The following SDK2 variants were observed in gnomAD, a reference collection of about 807,000 sequenced individuals.
SDK2 encodes protein sidekick-2.
Under a neutral mutation model 253.9 loss-of-function variants are expected in SDK2, and 105 were observed. The ratio of observed to expected loss-of-function variants is 0.41; its 90% CI spans 0.35 to 0.49. The LOEUF (loss-of-function observed/expected upper bound fraction) is 0.49, where lower values mean the gene tolerates loss of function less well. Among genes scored for constraint, SDK2 ranks in the 20% least tolerant of loss-of-function variants. The pLI, the probability that SDK2 is intolerant of heterozygous loss-of-function variation, is 0.06. For missense variants in SDK2, 2,608 were observed against 3,003.0 expected (o/e 0.87, Z 3.07); for synonymous variants, 1,249 against 1,234.9 (o/e 1.01, Z -0.24).
rs1481681462 is a variant in SDK2 at position 73,335,951 on chromosome 17, G to A, written c.*2636C>T. On this transcript the variant is annotated 3_prime_UTR_variant, in exon 45 of 45. Transcript: ENST00000392650. ...TGTCAGCATGGGTGCGAATGAGCGT[G>A]TGGGGAGTGGGGGGGTGGAATATCT... 1 of 152,444 alleles carries A rather than the reference G, an allele frequency of 6.6e-6. No individual in the cohort carries two copies. Among genetic ancestry groups the A allele is most frequent in the African/African-American group, 2.4e-5 (1 of 41,460 alleles). The allele number at this position is 152,444 out of a possible 1,614,324, so 9.4% of individuals were successfully genotyped here.
chr17:73,358,953 G>A (rs1331414798), intron 39 of SDK2, among the ~76,000 whole-genome samples: 4 of 152,018 alleles, frequency 2.6e-5, no homozygotes, highest in Non-Finnish European at 4.4e-5. Flanking sequence ...CAGATGAGAG[G>A]AGGTGACTCC....
intron 1 of SDK2, among the ~76,000 whole-genome samples, chr17:73,575,899 G>C (rs1054825796): frequency 2.0e-5 from 3 of 152,200 alleles, no homozygotes; most frequent in Non-Finnish European, 4.4e-5. Flanking sequence ...TCTCAAGGGG[G>C]AGAGGAGGTA....
chr17:73,387,012 G>A (rs1019239545), intron 30 of SDK2, among the ~76,000 whole-genome samples: 6 of 152,200 alleles, frequency 3.9e-5, no homozygotes, highest in Non-Finnish European at 7.3e-5. Flanking sequence ...CCAGGCTGGA[G>A]TGCAGTGGTG....
chr17:73,594,482 A>G (rs1300422682), intron 1 of SDK2, among the ~76,000 whole-genome samples: 3 of 152,054 alleles, frequency 2.0e-5, no homozygotes, highest in African/African-American at 2.4e-5. Flanking sequence ...ATGGGAAGAG[A>G]GGGAGGGGGA....
intron 18 of SDK2, among the ~76,000 whole-genome samples, chr17:73,403,570 C>A (rs1399901270): frequency 6.6e-6 from 1 of 152,158 alleles, no homozygotes; most frequent in Non-Finnish European, 1.5e-5. Flanking sequence ...TGAAAAGCAA[C>A]ACTTGATGAG....
chr17:73,457,040 G>A (rs1240272649), intron 3 of SDK2, among the ~76,000 whole-genome samples: 1 of 152,164 alleles, frequency 6.6e-6, no homozygotes. Context: ...TTAGCAAGAC[G>A]CTTGGCAAGT....
At chr17:73,440,083 T>A (rs1403210916) in intron 6 of SDK2, among the ~76,000 whole-genome samples, 1 of 150,458 alleles carries the variant, frequency 6.6e-6, no homozygotes, top group Non-Finnish European at 1.5e-5. Flanking sequence ...TGACCCCTGA[T>A]CTGCCCTACT....
In SDK2 at chr17:73,468,777, G is replaced by A. The variant is rs560311577; in HGVS notation, c.331+3335C>T. ...CCTGACCTTGTGATCCACCCGCCTT[G>A]GCTTCTCAAAGTGCTGGGATTACAG... On this transcript the variant is annotated intron_variant, in intron 3 of 44. Coordinates refer to ENST00000392650, the MANE Select transcript of SDK2 (RefSeq NM_001144952.2). 1.5e-3 allele frequency among the ~76,000 whole-genome samples: 232 copies of A among 150,108 alleles called. 1 individual carries two copies. The highest frequency in any genetic ancestry group is 0.011 in the Middle Eastern group (3 of 276).
intron 37 of SDK2, among the ~76,000 whole-genome samples, chr17:73,367,847 G>A (rs748508916): frequency 6.6e-6 from 1 of 152,050 alleles, no homozygotes; most frequent in African/African-American, 2.4e-5. Context: ...CTCAGGGAGG[G>A]CTTTGTGGGT....
rs886540898 is a variant in SDK2 at position 73,411,075 on chromosome 17, C to A, written c.2484+3569G>T. On this transcript the variant is annotated intron_variant, in intron 18 of 44. Transcript: ENST00000392650. ...CCTCCCCTTCCTTCCTCTGCCTCCC[C>A]CCAGGGTCCCAATTAGGAGAGTTTT... 1.1e-4 allele frequency among the ~76,000 whole-genome samples: 17 copies of A among 152,332 alleles called. No homozygotes were observed. In the South Asian group the frequency reaches 2.7e-3, roughly 24 times the overall value.
Position 73,383,711 on chromosome 17 carries a change from T to A in SDK2, c.4705+165A>T, listed in dbSNP as rs150496501. On this transcript the variant is annotated intron_variant, in intron 33 of 44. Transcript: ENST00000392650. This position sits in a 1 kb window ranked among gnomAD's most constrained non-coding sequence, Gnocchi z 4.3. ...GCCCATAGAAGGTGCTCAGTAAATA[T>A]TCAGTAAATGAATGAATGGGATGGG... Among the ~76,000 whole-genome samples, 99 of 152,246 alleles carry A rather than the reference T, an allele frequency of 6.5e-4. No homozygotes were observed. Among genetic ancestry groups the A allele is most frequent in the African/African-American group, 2.2e-3 (91 of 41,554 alleles).
chr17:73,474,000 T>G (rs2063669323), intron 2 of SDK2, among the ~76,000 whole-genome samples: 2 of 152,306 alleles, frequency 1.3e-5, no homozygotes, highest in African/African-American at 4.8e-5. Flanking sequence ...AAAGGCATTT[T>G]AAAAACATTT....
At chr17:73,428,561 T>C (rs1342532627) in intron 12 of SDK2, among the ~76,000 whole-genome samples, 1 of 152,142 alleles carries the variant, frequency 6.6e-6, no homozygotes, top group Non-Finnish European at 1.5e-5. Context: ...ACCATTCCTT[T>C]CAAAGGCAAA....
chr17:73,386,962 C>G (rs2062877599), intron 30 of SDK2, among the ~76,000 whole-genome samples: 1 of 152,096 alleles, frequency 6.6e-6, no homozygotes, highest in Non-Finnish European at 1.5e-5. Context: ...GAGATGGAGT[C>G]TTTTTTTGTT....
intron 41 of SDK2, among the ~76,000 whole-genome samples, chr17:73,351,771 G>A (rs1328238848): frequency 6.6e-6 from 1 of 152,076 alleles, no homozygotes; most frequent in Non-Finnish European, 1.5e-5. Flanking sequence ...TCTCTGTTTC[G>A]GCCTTGAAGC....
intron 4 of SDK2, among the ~76,000 whole-genome samples, chr17:73,451,678 C>T (rs551441132): frequency 2.0e-5 from 3 of 152,150 alleles, no homozygotes; most frequent in Non-Finnish European, 4.4e-5. Context: ...GAACAGGAGG[C>T]AGAGATACCT....
At chr17:73,483,358 G>C (rs1005704505) in intron 2 of SDK2, among the ~76,000 whole-genome samples, 2 of 140,464 alleles carry the variant, frequency 1.4e-5, no homozygotes, top group Non-Finnish European at 3.0e-5. Context: ...TTTTGCTCAG[G>C]CTAAAGTGCA....
rs1323640087 is a variant in SDK2 at position 73,435,456 on chromosome 17, C to T, written c.1189G>A (p.Val397Ile). The T allele has an allele frequency of 1.3e-6, 2 of 1,590,628 alleles. No individual in the cohort carries two copies. Among genetic ancestry groups the T allele is most frequent in the African/African-American group, 2.7e-5 (2 of 74,456 alleles). Residue 397 changes from valine (V) to isoleucine (I), a missense_variant, in exon 9 of 45, where the codon GTC becomes ATC. Transcript: ENST00000392650. This position sits in a 1 kb window ranked among gnomAD's most constrained non-coding sequence, Gnocchi z 5.7. ...AAGGGAAGGCCCAACTTACTGGTGA[C>T]AGCCAGGTAGGTGGAAGTTTGCACC... ...GEVQTSTYLA[V>I]TSIAPNITRG...
At chr17:73,409,006 T>A (rs1442890401) in intron 18 of SDK2, among the ~76,000 whole-genome samples, 1 of 152,182 alleles carries the variant, frequency 6.6e-6, no homozygotes, top group Non-Finnish European at 1.5e-5. Flanking sequence ...GAAACATTCA[T>A]GGATGAACTG....
Sources: gnomAD v4.1 joint callset for allele counts (sites outside exome capture counted in the v4.1 genomes callset) on GRCh38, gnomAD v4.1.1 for gene constraint, Gnocchi (gnomAD v3.1) non-coding constraint, MANE v1.5 for transcripts, NCBI Gene and HGNC (gene_info 2026-07-23, HGNC 2026-07-21) for gene names.